The following BCKDHB variants were observed in gnomAD, a reference collection of about 807,000 sequenced individuals.
The protein encoded by BCKDHB is branched chain keto acid dehydrogenase E1 subunit beta.
Under a neutral mutation model 48.5 loss-of-function variants are expected in BCKDHB, and 41 were observed. The ratio of observed to expected loss-of-function variants is 0.85; its 90% confidence interval spans 0.66 to 1.10. BCKDHB has a LOEUF of 1.10. BCKDHB is among the 50% of genes least tolerant of loss of function. BCKDHB has a pLI of 0.00. For missense variants in BCKDHB, 496 were observed against 494.2 expected (o/e 1.00, Z -0.03); for synonymous variants, 201 against 174.8 (o/e 1.15, Z -1.18).
the BCKDHB span, among the ~76,000 whole-genome samples, chr6:80,357,871 A>G: frequency 1.3e-5 from 2 of 152,170 alleles, no homozygotes; most frequent in Non-Finnish European, 2.9e-5. Context: ...GCCAACTTAC[A>G]TCTCCTGTGT....
At chr6:80,434,416 T>C in the BCKDHB span, among the ~76,000 whole-genome samples, 1 of 151,852 alleles carries the variant, frequency 6.6e-6, no homozygotes, top group African/African-American at 2.4e-5. Context: ...TTAATGTACC[T>C]GTCTGCTAAT....
chr6:80,296,985 G>A (rs1767290951), intron 9 of BCKDHB, among the ~76,000 whole-genome samples: 1 of 152,136 alleles, frequency 6.6e-6, no homozygotes. Flanking sequence ...TCTCAATTAT[G>A]TGTTATAGCG....
At chr6:80,214,762 C>T (rs1329850823) in intron 8 of BCKDHB, among the ~76,000 whole-genome samples, 1 of 152,050 alleles carries the variant, frequency 6.6e-6, no homozygotes, top group Admixed American at 6.6e-5. Flanking sequence ...TATAATGTAA[C>T]CTAAATGGTT....
chr6:80,126,301 G>A (rs1770337242), intron 1 of BCKDHB, among the ~76,000 whole-genome samples: 2 of 152,080 alleles, frequency 1.3e-5, no homozygotes, highest in Admixed American at 6.6e-5. Context: ...CTGGAGTATC[G>A]GTGGATAATG....
chr6:80,357,607 A>AAAAC, the BCKDHB span, among the ~76,000 whole-genome samples: 2 of 152,234 alleles, frequency 1.3e-5, no homozygotes, highest in Non-Finnish European at 2.9e-5. Context: ...ATATCTGTTT[A>AAAAC]ACTACATACA....
chr6:80,371,933 C>A, the BCKDHB span, among the ~76,000 whole-genome samples: 1 of 151,956 alleles, frequency 6.6e-6, no homozygotes, highest in Non-Finnish European at 1.5e-5. Context: ...CAAATTTGTT[C>A]TTTTTGCTTC....
At chr6:80,237,976 A>G (rs1290493896) in intron 8 of BCKDHB, among the ~76,000 whole-genome samples, 1 of 152,232 alleles carries the variant, frequency 6.6e-6, no homozygotes, top group Non-Finnish European at 1.5e-5. Flanking sequence ...GAAATGTGTT[A>G]TAAAACTTAA....
chr6:80,205,441 AT>A (rs1378684693), intron 8 of BCKDHB, among the ~76,000 whole-genome samples: 1 of 152,074 alleles, frequency 6.6e-6, no homozygotes, highest in Non-Finnish European at 1.5e-5. Context: ...AAGAAAGCAT[AT>A]TAAAGGCAAA....
chr6:80,196,843 TA>T (rs35102414), intron 6 of BCKDHB, among the ~76,000 whole-genome samples: 55,119 of 152,002 alleles, frequency 0.36, 11,913 homozygotes, highest in East Asian at 0.56. Flanking sequence ...CACGGAAGTG[TA>T]TATGTGGAAA....
chr6:80,278,242 A>G (rs941613324), intron 9 of BCKDHB, among the ~76,000 whole-genome samples: 101 of 152,324 alleles, frequency 6.6e-4, no homozygotes, highest in African/African-American at 2.3e-3. Flanking sequence ...AATCAGGAGA[A>G]GTATACTTCT....
At position 80,340,905 on chromosome 6, in the gene BCKDHB, A is replaced by G. The variant is rs1041434115; in HGVS notation, c.1039-2759A>G. Among the ~76,000 whole-genome samples, 5 of 152,244 alleles carry G rather than the reference A, an allele frequency of 3.3e-5. No homozygotes were observed. In the East Asian group the frequency reaches 7.7e-4, roughly 23 times the overall value. On this transcript the variant is annotated intron_variant, in intron 9 of 9. Transcript: ENST00000320393. ...GTAGTGCAGAGAAACATACTCACAC[A>G]TAAATTATTTATATGTGAACCAATT...
the BCKDHB span, among the ~76,000 whole-genome samples, chr6:80,398,975 TTCA>T: frequency 6.6e-6 from 1 of 152,052 alleles, no homozygotes; most frequent in Non-Finnish European, 1.5e-5. Flanking sequence ...ATAAATGTAA[TTCA>T]TCACATAAAC....
chr6:80,201,393 G>T (rs943725949), intron 7 of BCKDHB, among the ~76,000 whole-genome samples: 1 of 152,066 alleles, frequency 6.6e-6, no homozygotes, highest in African/African-American at 2.4e-5. Flanking sequence ...ATTAGATCCT[G>T]AGAACTTCCT....
chr6:80,292,595 A>G (rs1766986605), intron 9 of BCKDHB, among the ~76,000 whole-genome samples: 1 of 152,094 alleles, frequency 6.6e-6, no homozygotes, highest in African/African-American at 2.4e-5. Context: ...AAACCATATC[A>G]TTCCACCCCA....
intron 2 of BCKDHB, among the ~76,000 whole-genome samples, chr6:80,128,748 A>G (rs1213794157): frequency 1.3e-5 from 2 of 152,126 alleles, no homozygotes; most frequent in East Asian, 1.9e-4. Context: ...CGTTTTCTTC[A>G]TGGATAAAAC....
chr6:80,350,275 A>G (rs1311656463), downstream of BCKDHB, among the ~76,000 whole-genome samples: 2 of 152,194 alleles, frequency 1.3e-5, no homozygotes, highest in African/African-American at 2.4e-5. Context: ...AAGAAAACCG[A>G]AGATATAAGA....
At chr6:80,205,303 T>C (rs922893129) in intron 8 of BCKDHB, among the ~76,000 whole-genome samples, 2 of 152,058 alleles carry the variant, frequency 1.3e-5, no homozygotes, top group Non-Finnish European at 2.9e-5. Context: ...AAATTTATAT[T>C]ATAATCTCTT....
chr6:80,273,537 A>G (rs1777843069), intron 9 of BCKDHB, among the ~76,000 whole-genome samples: 4 of 152,130 alleles, frequency 2.6e-5, no homozygotes, highest in African/African-American at 9.6e-5. Flanking sequence ...GTTAACAGAA[A>G]GAAAAATCTT....
intron 9 of BCKDHB, among the ~76,000 whole-genome samples, chr6:80,324,184 T>TAA (rs1276828342): frequency 1.4e-4 from 21 of 152,180 alleles, no homozygotes; most frequent in Non-Finnish European, 2.6e-4. Flanking sequence ...ATAATAGCTA[T>TAA]TCAGCAGTGA....
Sources: gnomAD v4.1 joint callset for allele counts (sites outside exome capture counted in the v4.1 genomes callset) on GRCh38, gnomAD v4.1.1 for gene constraint, MANE v1.5 for transcripts, NCBI Gene and HGNC (gene_info 2026-07-23, HGNC 2026-07-21) for gene names.